Variants in FNDC3A observed in about 807,000 individuals in gnomAD.
The protein encoded by FNDC3A is fibronectin type III domain containing 3A.
A neutral mutation model predicts 148.9 loss-of-function variants in FNDC3A; 32 were observed. That is an observed-to-expected ratio of 0.21 (90% CI 0.16 to 0.29). The LOEUF is 0.29. FNDC3A is among the 10% of genes least tolerant of loss of function. The probability of loss-of-function intolerance (pLI) is 1.00; values close to 1 mark genes in which losing one functional copy is unlikely to be tolerated. For synonymous variants in FNDC3A, 472 were observed against 473.6 expected (o/e 1.00, Z 0.04); for missense variants, 1,191 against 1,452.8 (o/e 0.82, Z 2.93).
intron 3 of FNDC3A, among the ~76,000 whole-genome samples, chr13:49,076,336 C>T (rs1189629975): frequency 2.0e-5 from 3 of 151,984 alleles, no homozygotes; most frequent in Admixed American, 2.0e-4. Flanking sequence ...CCTCTGCCTC[C>T]CGGGTTCAAG....
At chr13:49,168,254 C>G (rs1172062327) in intron 9 of FNDC3A, among the ~76,000 whole-genome samples, 1 of 152,080 alleles carries the variant, frequency 6.6e-6, no homozygotes, top group African/African-American at 2.4e-5. Context: ...ATTGTAGTCA[C>G]ATTTAATCAT....
At chr13:49,083,305 C>T (rs538225987) in intron 3 of FNDC3A, among the ~76,000 whole-genome samples, 1 of 152,118 alleles carries the variant, frequency 6.6e-6, no homozygotes, top group South Asian at 2.1e-4. Context: ...CAAATGACAG[C>T]GTCCACTGCA....
chr13:49,084,158 A>C (rs959226275), intron 3 of FNDC3A, among the ~76,000 whole-genome samples: 4 of 152,254 alleles, frequency 2.6e-5, no homozygotes, highest in Admixed American at 1.3e-4. Flanking sequence ...TCTGAATCTC[A>C]TAGGGGCAGG....
intron 9 of FNDC3A, among the ~76,000 whole-genome samples, chr13:49,168,179 G>GT (rs1329127605): frequency 6.6e-6 from 1 of 152,096 alleles, no homozygotes; most frequent in African/African-American, 2.4e-5. Context: ...ACTACTAAGT[G>GT]TTCAAGTGTA....
chr13:49,073,445 C>A (rs1380659652), intron 2 of FNDC3A, among the ~76,000 whole-genome samples: 3 of 151,574 alleles, frequency 2.0e-5, no homozygotes, highest in Non-Finnish European at 4.4e-5. Context: ...CGAAATGCTC[C>A]AAAATTGGAA....
At chr13:49,119,324 CA>C (rs1881180848) in intron 4 of FNDC3A, among the ~76,000 whole-genome samples, 2 of 152,192 alleles carry the variant, frequency 1.3e-5, no homozygotes, top group South Asian at 4.2e-4. Flanking sequence ...ACACGATGTC[CA>C]CACAGAAACC....
intron 16 of FNDC3A, chr13:49,187,497 T>C (rs113387534): frequency 1.3e-6 from 2 of 1,566,740 alleles, no homozygotes; most frequent in African/African-American, 2.7e-5. Flanking sequence ...TAAGTAGTTG[T>C]TGTCTTACTA....
chr13:49,135,590 A>C (rs1882309541), intron 5 of FNDC3A, among the ~76,000 whole-genome samples: 1 of 152,204 alleles, frequency 6.6e-6, no homozygotes, highest in South Asian at 2.1e-4. Context: ...TTTCAAAAAT[A>C]CTGTACTAAT....
chr13:49,092,280 C>T (rs1879239258), intron 3 of FNDC3A, among the ~76,000 whole-genome samples: 1 of 152,216 alleles, frequency 6.6e-6, no homozygotes, highest in Non-Finnish European at 1.5e-5. Flanking sequence ...AAGTAACATA[C>T]CCAGATGAGG....
chr13:49,115,630 C>T (rs2051839510), intron 4 of FNDC3A, among the ~76,000 whole-genome samples: 2 of 152,164 alleles, frequency 1.3e-5, no homozygotes, highest in African/African-American at 4.8e-5. Flanking sequence ...TTATTTCAAA[C>T]CTTTGCTGGC....
intron 1 of FNDC3A, among the ~76,000 whole-genome samples, chr13:48,990,851 T>G (rs1202131333): frequency 6.6e-6 from 1 of 152,188 alleles, no homozygotes; most frequent in Non-Finnish European, 1.5e-5. Context: ...TTTATTGTTG[T>G]AAGGTTCTGA....
intron 2 of FNDC3A, among the ~76,000 whole-genome samples, chr13:49,049,548 A>G (rs1875672840): frequency 6.6e-6 from 1 of 151,582 alleles, no homozygotes; most frequent in Admixed American, 6.6e-5. Flanking sequence ...GAGGCTGTAT[A>G]TTTCCAGGAA....
chr13:49,161,993 C>T (rs1482054603), intron 8 of FNDC3A, among the ~76,000 whole-genome samples: 1 of 152,194 alleles, frequency 6.6e-6, no homozygotes, highest in African/African-American at 2.4e-5. Flanking sequence ...GTCTGATGGG[C>T]TTCCCTTTGT....
chr13:49,074,215 G>A (rs941454422), intron 2 of FNDC3A, among the ~76,000 whole-genome samples: 2 of 151,976 alleles, frequency 1.3e-5, no homozygotes, highest in Non-Finnish European at 2.9e-5. Flanking sequence ...CCAATTTATA[G>A]TCCTTTATCC....
At chr13:49,131,791 G>A (rs2137926245) in intron 5 of FNDC3A, among the ~76,000 whole-genome samples, 1 of 152,210 alleles carries the variant, frequency 6.6e-6, no homozygotes, top group Non-Finnish European at 1.5e-5. Context: ...CTGCCCTCAG[G>A]GAGTTAATAA....
chr13:49,039,421 T>C (rs7983885), intron 2 of FNDC3A, among the ~76,000 whole-genome samples: 89,028 of 151,980 alleles, frequency 0.59, 27,530 homozygotes, highest in Non-Finnish European at 0.68. Flanking sequence ...TCAATGCTCC[T>C]TTGTCCTTCC....
At chr13:49,183,915 ACT>A (rs895177696) in intron 14 of FNDC3A, among the ~76,000 whole-genome samples, 1 of 152,126 alleles carries the variant, frequency 6.6e-6, no homozygotes, top group Non-Finnish European at 1.5e-5. Context: ...TTGAGCATCT[ACT>A]CTCTGCTAAG....
At chr13:49,010,582 ACC>A (rs1430226578) in intron 2 of FNDC3A, among the ~76,000 whole-genome samples, 1 of 152,154 alleles carries the variant, frequency 6.6e-6, no homozygotes, top group Non-Finnish European at 1.5e-5. Context: ...GCTTTTTAAA[ACC>A]TGTTTTAAAT....
At chr13:49,039,080 A>T (rs1291509345) in intron 2 of FNDC3A, among the ~76,000 whole-genome samples, 3 of 152,264 alleles carry the variant, frequency 2.0e-5, no homozygotes, top group Non-Finnish European at 4.4e-5. Context: ...TGCGGGTCAG[A>T]TGTAATGTTA....
Sources: gnomAD v4.1 joint callset for allele counts (sites outside exome capture counted in the v4.1 genomes callset) on GRCh38, gnomAD v4.1.1 for gene constraint, MANE v1.5 for transcripts, NCBI Gene and HGNC (gene_info 2026-07-23, HGNC 2026-07-21) for gene names.